The following SPG21 variants were observed in gnomAD, a reference collection of about 807,000 sequenced individuals.
SPG21 encodes the protein SPG21 abhydrolase domain containing, maspardin, also known as maspardin.
In SPG21, 26 loss-of-function variants were observed where a neutral mutation model predicts 38.9. The observed-to-expected ratio is 0.67, with a 90% CI of 0.49 to 0.93. The LOEUF is 0.93. Ranked by LOEUF, SPG21 falls within the 40% of genes least tolerant of loss-of-function variation. The pLI is 0.00. For synonymous variants in SPG21, 136 were observed against 128.9 expected (o/e 1.05, Z -0.37); for missense variants, 333 against 376.5 (o/e 0.88, Z 0.96).
Position 64,976,507 on chromosome 15 carries a change from T to G in SPG21, c.274A>C (p.Arg92=). ...AATTGTAAATGGTCTAAAAGTTTTCTGAATCCATCACAGAACTCGAGATGG... is the reference window on the plus strand; with the variant it reads ...AATTGTAAATGGTCTAAAAGTTTTCGGAATCCATCACAGAACTCGAGATGG... The part of the protein sequence containing the change: ...WDHLEFCDGF[R]KLLDHLQLDK... The change falls in exon 4 of 9, where the codon AGA becomes CGA. Residue 92 remains arginine (R), a synonymous_variant. Transcript: ENST00000204566. 1 of 1,613,162 alleles carries G rather than the reference T, an allele frequency of 6.2e-7. No homozygotes were observed. The highest frequency in any genetic ancestry group is 8.5e-7 in the Non-Finnish European group (1 of 1,179,214).
chr15:64,964,635 TTTTC>T (rs139661730), intron 8 of SPG21, among the ~76,000 whole-genome samples: 8,481 of 152,002 alleles, frequency 0.056, 816 homozygotes, highest in African/African-American at 0.2. Flanking sequence ...CTTTCTTTTC[TTTTC>T]TTTTTTTTTG....
intron 8 of SPG21, among the ~76,000 whole-genome samples, chr15:64,964,084 C>G (rs2085499695): frequency 6.6e-6 from 1 of 152,050 alleles, no homozygotes; most frequent in Non-Finnish European, 1.5e-5. Flanking sequence ...GGCTGCATTA[C>G]AGAGTAAAAT....
At chr15:64,970,808 C>T (rs768290374) in intron 5 of SPG21, among the ~76,000 whole-genome samples, 22 of 152,148 alleles carry the variant, frequency 1.4e-4, no homozygotes, top group Admixed American at 2.0e-4. Context: ...GGCATGATCT[C>T]GGCTGGGTGC....
chr15:64,965,444 G>A lies in SPG21; in HGVS notation c.686C>T (p.Ala229Val), dbSNP rs139453731. The stretch of plus-strand genomic sequence containing the variant: ...TTCTTCTTTAGCTTCAGTTGAAAGC[G>A]CACTCTGATCAAACACCTTTAAAAA... Reference protein sequence around the residue: ...VTIMDVFDQSALSTEAKEEMY... With the variant: ...VTIMDVFDQSVLSTEAKEEMY... Residue 229 changes from alanine (A) to valine (V), a missense_variant, in exon 8 of 9, where the codon GCG becomes GTG. By Grantham distance (64) the Ala-to-Val change is moderately conservative. Coordinates refer to ENST00000204566, the MANE Select transcript of SPG21 (RefSeq NM_016630.7). The A allele has an allele frequency of 5.0e-6, 8 of 1,614,096 alleles. No individual in the cohort carries two copies. Among genetic ancestry groups the A allele is most frequent in the Admixed American group, 1.7e-5 (1 of 60,008 alleles).
At chr15:64,971,761 G>T (rs956279867) in intron 5 of SPG21, among the ~76,000 whole-genome samples, 1 of 151,356 alleles carries the variant, frequency 6.6e-6, no homozygotes, top group African/African-American at 2.4e-5. Context: ...ACTTGAACCT[G>T]GGGGGCAGAG....
chr15:64,980,643 C>G (rs1444845402), intron 3 of SPG21, among the ~76,000 whole-genome samples: 1 of 151,872 alleles, frequency 6.6e-6, no homozygotes, highest in Admixed American at 6.6e-5. Context: ...GAGGCTGAGG[C>G]AGGAGAATCG....
chr15:64,976,410 G>A, intron 4 of SPG21, 65 bp downstream of exon 4: 1 of 1,178,564 alleles, frequency 8.5e-7, no homozygotes, highest in Non-Finnish European at 1.3e-6. Flanking sequence ...GGGTGACAGA[G>A]TGAGACTTCA....
intron 3 of SPG21, among the ~76,000 whole-genome samples, chr15:64,980,522 A>G (rs575870272): frequency 6.6e-6 from 1 of 152,240 alleles, no homozygotes; most frequent in Non-Finnish European, 1.5e-5. Context: ...ATGAATCATG[A>G]GGTCAGGAGT....
chr15:64,975,767 G>T lies in SPG21; in HGVS notation c.306+708C>A, dbSNP rs893690514. On this transcript the variant is annotated intron_variant, in intron 4 of 8. Transcript: ENST00000204566. ...AGATATGGCATATTTATAAAAATAT[G>T]ATTTAACTGTAAAGAGAAACGAAGT... Among the ~76,000 whole-genome samples the T allele has an allele frequency of 3.9e-5, 6 of 152,196 alleles. No individual in the cohort carries two copies. In the East Asian group the frequency reaches 1.2e-3, roughly 29 times the overall value.
chr15:64,987,025 A>C (rs1217704399), intron 1 of SPG21: 1 of 152,242 alleles, frequency 6.6e-6, no homozygotes, highest in Admixed American at 6.5e-5. Flanking sequence ...TTCTAGAGTC[A>C]CCAAATGGGA....
At chr15:64,988,410 G>A (rs28399682) in intron 1 of SPG21, among the ~76,000 whole-genome samples, 58,973 of 152,000 alleles carry the variant, frequency 0.39, 11,887 homozygotes, top group South Asian at 0.61. Context: ...GATGTGCATT[G>A]TGGAAAATCT....
intron 2 of SPG21, chr15:64,982,913 C>T: frequency 6.5e-6 from 1 of 153,704 alleles, no homozygotes; most frequent in South Asian, 1.9e-4. Context: ...CTAAACTATA[C>T]AGAAGAGTAC....
At chr15:64,968,088 T>C (rs2085579406) in intron 7 of SPG21, among the ~76,000 whole-genome samples, 1 of 152,162 alleles carries the variant, frequency 6.6e-6, no homozygotes. Flanking sequence ...TGGTGGCTCA[T>C]GCCTGTCATA....
At chr15:64,979,166 G>A (rs1438463964) in intron 3 of SPG21, among the ~76,000 whole-genome samples, 2 of 152,206 alleles carry the variant, frequency 1.3e-5, no homozygotes, top group African/African-American at 2.4e-5. Context: ...AACAGGGAAA[G>A]CGCACAACAA....
intron 5 of SPG21, among the ~76,000 whole-genome samples, chr15:64,973,668 C>T (rs1018098149): frequency 3.3e-5 from 5 of 152,156 alleles, no homozygotes; most frequent in Admixed American, 1.3e-4. Flanking sequence ...AGGCTGGTCT[C>T]GAACTCCCGA....
chr15:64,974,809 A>T (rs2085744510), intron 4 of SPG21, 62 bp from the exon 5 acceptor site: 1 of 1,600,340 alleles, frequency 6.2e-7, no homozygotes, highest in African/African-American at 1.3e-5. Flanking sequence ...CCTGAGTATT[A>T]AAAAGTTGCT....
At chr15:64,985,860 A>T (rs1384002825) in intron 1 of SPG21, among the ~76,000 whole-genome samples, 1 of 152,198 alleles carries the variant, frequency 6.6e-6, no homozygotes, top group Non-Finnish European at 1.5e-5. Context: ...AGATGTAGAC[A>T]TTCTAACACT....
At chr15:64,980,624 G>C (rs1024319548) in intron 3 of SPG21, among the ~76,000 whole-genome samples, 1 of 151,876 alleles carries the variant, frequency 6.6e-6, no homozygotes, top group Non-Finnish European at 1.5e-5. Flanking sequence ...TGTAATCCCA[G>C]CTACTCGGGA....
Position 64,974,693 on chromosome 15 carries a change from A to G in SPG21, c.361T>C (p.Tyr121His). 1 of 1,614,168 alleles carries G rather than the reference A, an allele frequency of 6.2e-7. No individual in the cohort carries two copies. The highest frequency in any genetic ancestry group is 8.5e-7 in the Non-Finnish European group (1 of 1,180,022). Residue 121 changes from tyrosine to histidine, a missense_variant, in exon 5 of 9, where the codon TAC (tyrosine) becomes CAC (histidine). By Grantham distance (83) the Tyr-to-His change is moderately conservative (BLOSUM62 2). Transcript: ENST00000204566. ...TGGACTCTAGGAGATTTGTGAGTGTATTCAGCAAATTTCTGGGCCAAAAAG... is the reference window on the plus strand; with the variant it reads ...TGGACTCTAGGAGATTTGTGAGTGTGTTCAGCAAATTTCTGGGCCAAAAAG... ...GGFLAQKFAE[Y>H]THKSPRVHSL...
Sources: allele counts gnomAD v4.1 joint callset (sites outside exome capture counted in the v4.1 genomes callset), GRCh38; gene constraint gnomAD v4.1.1; transcripts MANE v1.5; gene names NCBI Gene and HGNC (gene_info 2026-07-23, HGNC 2026-07-21).